The following CHN1 variants were observed in gnomAD, a reference collection of about 807,000 sequenced individuals.
The protein encoded by CHN1 is N-chimaerin.
Under a neutral mutation model 59.5 loss-of-function variants are expected in CHN1, and 37 were observed. The observed-to-expected ratio is 0.62, with a 90% CI of 0.48 to 0.82. The LOEUF (loss-of-function observed/expected upper bound fraction) is 0.82. CHN1 is among the 40% of genes least tolerant of loss of function. CHN1 has a pLI of 0.00. For synonymous variants in CHN1, 206 were observed against 200.4 expected (o/e 1.03, Z -0.24); for missense variants, 469 against 571.0 (o/e 0.82, Z 1.82).
intron 6 of CHN1, among the ~76,000 whole-genome samples, chr2:174,857,771 C>A (rs1686950031): frequency 1.3e-5 from 2 of 152,080 alleles, no homozygotes; most frequent in South Asian, 4.1e-4. Flanking sequence ...TTTTTGACAC[C>A]TATTACCTGC....
At chr2:174,990,233 C>CTGTGTGTG (rs954929353) in intron 1 of CHN1, among the ~76,000 whole-genome samples, 2 of 116,000 alleles carry the variant, frequency 1.7e-5, no homozygotes. Flanking sequence ...TGTGGTGTGT[C>CTGTGTGTG]TGTGTGTGTG....
intron 7 of CHN1, among the ~76,000 whole-genome samples, chr2:174,838,373 A>G (rs1226215368): frequency 1.3e-5 from 2 of 152,064 alleles, no homozygotes; most frequent in Non-Finnish European, 2.9e-5. Context: ...GATTACAGGA[A>G]TGAGCCACTG....
At chr2:174,953,732 C>T (rs1326705061) in intron 1 of CHN1, among the ~76,000 whole-genome samples, 1 of 152,050 alleles carries the variant, frequency 6.6e-6, no homozygotes, top group Admixed American at 6.6e-5. Flanking sequence ...ATACACATAA[C>T]CAAGGAGGTG....
rs562119416 is a variant in CHN1, at chr2:174,848,965, C to T, written c.550-2008G>A. On this transcript the variant is annotated intron_variant, in intron 6 of 12. Coordinates refer to ENST00000409900, the MANE Select transcript of CHN1 (RefSeq NM_001822.7). ...TGTCACATGATGACTAAAAATATAA[C>T]GGCCAACCGACTCTTTAGACATGTA... Among the ~76,000 whole-genome samples, 14 of 152,202 alleles carry T rather than the reference C, an allele frequency of 9.2e-5. No homozygotes were observed. The East Asian group carries it at 1.3e-3, about 15-fold the overall frequency.
chr2:174,962,449 C>A (rs1475673882), intron 1 of CHN1, among the ~76,000 whole-genome samples: 2 of 152,134 alleles, frequency 1.3e-5, no homozygotes, highest in Admixed American at 6.5e-5. Flanking sequence ...TTGCCTTCAG[C>A]TGAAGGTCTC....
At chr2:174,918,015 A>G (rs925003539) in intron 4 of CHN1, among the ~76,000 whole-genome samples, 1 of 152,148 alleles carries the variant, frequency 6.6e-6, no homozygotes, top group Non-Finnish European at 1.5e-5. Context: ...TAATATCTCA[A>G]TTTGGTTCAA....
At chr2:174,942,122 T>C (rs1266609763) in intron 3 of CHN1, among the ~76,000 whole-genome samples, 1 of 152,136 alleles carries the variant, frequency 6.6e-6, no homozygotes, top group Non-Finnish European at 1.5e-5. Flanking sequence ...AAACTAAAAA[T>C]AGAACTACTG....
At chr2:174,952,909 C>G (rs761215940) in intron 1 of CHN1, among the ~76,000 whole-genome samples, 1 of 152,130 alleles carries the variant, frequency 6.6e-6, no homozygotes, top group African/African-American at 2.4e-5. Context: ...AAACACATGA[C>G]GGACGTGGAG....
intron 1 of CHN1, among the ~76,000 whole-genome samples, chr2:174,963,461 A>G (rs1253796101): frequency 2.0e-5 from 3 of 152,226 alleles, no homozygotes; most frequent in Admixed American, 6.5e-5. Flanking sequence ...GGGGCTGCGA[A>G]TAACAGGCAG....
At chr2:174,867,747 A>G (rs575428900) in intron 6 of CHN1, among the ~76,000 whole-genome samples, 1 of 152,334 alleles carries the variant, frequency 6.6e-6, no homozygotes, top group Admixed American at 6.5e-5. Context: ...ATTCACATGG[A>G]AAGATTGTTC....
At chr2:174,891,150 A>G in intron 5 of CHN1, among the ~76,000 whole-genome samples, 1 of 149,146 alleles carries the variant, frequency 6.7e-6, no homozygotes, top group African/African-American at 2.5e-5. Context: ...CAAAAAAAAA[A>G]AAAAAAAAAA....
intron 6 of CHN1, among the ~76,000 whole-genome samples, chr2:174,866,596 C>T (rs1266567478): frequency 6.6e-6 from 1 of 152,128 alleles, no homozygotes; most frequent in Non-Finnish European, 1.5e-5. Context: ...AATTAGAATG[C>T]TATAGCCACA....
chr2:174,949,499 G>A (rs2105410037), intron 2 of CHN1, among the ~76,000 whole-genome samples: 1 of 152,086 alleles, frequency 6.6e-6, no homozygotes, highest in Non-Finnish European at 1.5e-5. Flanking sequence ...TGGGACCACA[G>A]GAGTACAACA....
In CHN1 at chr2:174,919,760, CAT is replaced by C. The variant is rs150608160; in HGVS notation, c.115-1197_115-1196del. Among the ~76,000 whole-genome samples, 284 of 151,640 alleles carry C rather than the reference CAT, an allele frequency of 1.9e-3. 1 individual carries two copies. Among genetic ancestry groups the C allele is most frequent in the African/African-American group, 6.4e-3 (264 of 41,328 alleles). ...GCTAATTAACACACACATTACTTCA[CAT>C]ACTTTTTTTTTTTTGTGGTTAGAAC... On this transcript the variant is annotated intron_variant, in intron 3 of 12. Coordinates refer to ENST00000409900, the MANE Select transcript of CHN1 (RefSeq NM_001822.7).
intron 3 of CHN1, among the ~76,000 whole-genome samples, chr2:174,934,100 G>A (rs1447363842): frequency 6.6e-6 from 1 of 152,024 alleles, no homozygotes; most frequent in Non-Finnish European, 1.5e-5. Context: ...GTGAGGGGAT[G>A]GTTTTGGAAT....
chr2:174,856,225 C>T (rs995247874), intron 6 of CHN1, among the ~76,000 whole-genome samples: 1 of 152,026 alleles, frequency 6.6e-6, no homozygotes, highest in Non-Finnish European at 1.5e-5. Context: ...TTTTATATTA[C>T]ACAGAAAACT....
chr2:174,826,627 T>C (rs1043757851), intron 7 of CHN1, among the ~76,000 whole-genome samples: 9 of 152,216 alleles, frequency 5.9e-5, no homozygotes, highest in African/African-American at 2.2e-4. Flanking sequence ...AGAAGGTGTT[T>C]TGTTTGCTGT....
intron 4 of CHN1, among the ~76,000 whole-genome samples, chr2:174,916,733 T>C (rs532458959): frequency 6.6e-6 from 1 of 152,320 alleles, no homozygotes; most frequent in African/African-American, 2.4e-5. Flanking sequence ...TCTCCATAAA[T>C]TTCCCAGTCT....
intron 1 of CHN1, among the ~76,000 whole-genome samples, chr2:175,000,190 G>GAT (rs1191439910): frequency 7.1e-6 from 1 of 141,026 alleles, no homozygotes; most frequent in African/African-American, 2.7e-5. Context: ...GCCCAGGCTA[G>GAT]AGTGCAGTGG....
Sources: gnomAD v4.1 joint callset for allele counts (sites outside exome capture counted in the v4.1 genomes callset) on GRCh38, gnomAD v4.1.1 for gene constraint, MANE v1.5 for transcripts, NCBI Gene and HGNC (gene_info 2026-07-23, HGNC 2026-07-21) for gene names.